The following MCUR1 variants were observed in gnomAD, a reference collection of about 807,000 sequenced individuals.
MCUR1 encodes MCU regulator 1.
A neutral mutation model predicts 42.0 loss-of-function variants in MCUR1; 37 were observed. The observed-to-expected ratio is 0.88, with a 90% confidence interval of 0.68 to 1.16. MCUR1 has a LOEUF of 1.16. Ranked by LOEUF, MCUR1 falls within the 50% of genes most tolerant of loss-of-function variation. The pLI is 0.00. For synonymous variants in MCUR1, 229 were observed against 196.2 expected, an observed-to-expected ratio of 1.17 and a Z score of -1.40; for missense variants, 469 against 468.4, an observed-to-expected ratio of 1.00 and a Z score of -0.01.
chr6:13,802,439 G>T, intron 2 of MCUR1, 93 bp from the exon 3 acceptor site: 1 of 961,598 alleles, frequency 1.0e-6, no homozygotes, highest in Non-Finnish European at 1.6e-6. Flanking sequence ...AATCCAGGAG[G>T]AAGAGTACAG....
Position 13,814,507 on chromosome 6 carries a change from A to G in MCUR1, c.-78T>C, listed in dbSNP as rs1317655202. On this transcript the variant is annotated 5_prime_UTR_variant, in exon 1 of 9. Transcript: ENST00000379170. ...CCGGCCACGCGCGGTCCAGGCCCAG[A>G]GTCCGACAGCGGGAGCGAGCGTGGG... 36 of 1,330,336 alleles carry G rather than the reference A, an allele frequency of 2.7e-5. No homozygotes were observed. Among genetic ancestry groups the G allele is most frequent in the Non-Finnish European group, 3.3e-5 (34 of 1,041,692 alleles). The allele number at this position is 1,330,336 out of a possible 1,614,324, so 82.4% of individuals were successfully genotyped here. A position where few individuals can be genotyped will look rare whatever the true frequency, so the allele number is the denominator to read the frequency against.
rs1483731510 is a variant in MCUR1 at position 13,789,171 on chromosome 6, G to A, written c.*1638C>T. On this transcript the variant is annotated 3_prime_UTR_variant, in exon 9 of 9. Coordinates refer to ENST00000379170, the MANE Select transcript of MCUR1 (RefSeq NM_001031713.4). ...TAATCCCACTACTTTGGGAGACCAA[G>A]GCGGGTGAATCACGAGGTCAGGAGT... 1 of 152,272 alleles carries A rather than the reference G, an allele frequency of 6.6e-6. No homozygotes were observed. The highest frequency in any genetic ancestry group is 1.5e-5 in the Non-Finnish European group (1 of 68,078). 9.4% of individuals were successfully genotyped at this position (152,272 alleles called of 1,614,324 possible).
intron 1 of MCUR1, among the ~76,000 whole-genome samples, chr6:13,809,075 T>C (rs1033701494): frequency 6.6e-6 from 1 of 152,152 alleles, no homozygotes; most frequent in Non-Finnish European, 1.5e-5. Context: ...TTTGCCAAGA[T>C]TGTTTAGCTA....
rs971958696 is a variant in MCUR1 at position 13,804,790 on chromosome 6, C to CAAAAAAAAAAAAAAA, written c.535+2120_535+2134dup. Among the ~76,000 whole-genome samples, 46 of 50,448 alleles carry CAAAAAAAAAAAAAAA rather than the reference C, an allele frequency of 9.1e-4. 1 individual carries two copies. Among genetic ancestry groups the CAAAAAAAAAAAAAAA allele is most frequent in the African/African-American group, 3.4e-3 (44 of 12,810 alleles). 33.1% of individuals were successfully genotyped at this position (50,448 alleles called of 152,430 possible). On this transcript the variant is annotated intron_variant, in intron 2 of 8. Transcript: ENST00000379170. ...GGAAGACAGAGCCAGACTCTGTCTC[C>CAAAAAAAAAAAAAAA]AAAAAAAAAAAAAAAAAAAAAAAAG...
At position 13,793,960 on chromosome 6, in the gene MCUR1, C is replaced by T. The variant is rs770242091; in HGVS notation, c.856-13G>A. The stretch of plus-strand genomic sequence containing the variant: ...CGTTCAATGAATACTGAAATAAACA[C>T]GTAACATGGGTCAGATTCTGATCTA... On this transcript the variant is annotated splice_polypyrimidine_tract_variant and intron_variant, in intron 6 of 8. Transcript: ENST00000379170. 4 of 1,612,824 alleles carry T rather than the reference C, an allele frequency of 2.5e-6. No individual in the cohort carries two copies. The highest frequency in any genetic ancestry group is 1.7e-6 in the Non-Finnish European group (2 of 1,179,442).
At chr6:13,802,415 C>T (rs893084145) in intron 2 of MCUR1, 69 bp from the exon 3 acceptor site, 8 of 1,210,414 alleles carry the variant, frequency 6.6e-6, no homozygotes, top group Non-Finnish European at 9.7e-6. Flanking sequence ...TGCACACATT[C>T]ATGTGAATGT....
chr6:13,802,420 G>T, intron 2 of MCUR1, 74 bp from the exon 3 acceptor site: 1 of 1,175,512 alleles, frequency 8.5e-7, no homozygotes, highest in Non-Finnish European at 1.3e-6. Context: ...ACATTCATGT[G>T]AATGTCCAAA....
rs1759693918 is a variant in MCUR1, at chr6:13,789,992, A to G, written c.*817T>C. ...TCAAAAGAAAAGAAGGTAGACGTGC[A>G]GCTGTCTTATTAACATGACAACCAA... On this transcript the variant is annotated 3_prime_UTR_variant, in exon 9 of 9. Coordinates refer to ENST00000379170, the MANE Select transcript of MCUR1 (RefSeq NM_001031713.4). 1 of 152,278 alleles carries G rather than the reference A, an allele frequency of 6.6e-6. No individual in the cohort carries two copies. Among genetic ancestry groups the G allele is most frequent in the Admixed American group, 6.5e-5 (1 of 15,290 alleles). 9.4% of individuals were successfully genotyped at this position (152,278 alleles called of 1,614,324 possible). A position where few individuals can be genotyped will look rare whatever the true frequency, so the allele number is the denominator to read the frequency against.
chr6:13,807,802 T>G (rs1189689353), intron 1 of MCUR1, among the ~76,000 whole-genome samples: 1 of 152,200 alleles, frequency 6.6e-6, no homozygotes, highest in Non-Finnish European at 1.5e-5. Context: ...TATCTGGGTT[T>G]TTAAAAAATT....
In MCUR1 at chr6:13,808,893, TTTTAAG is replaced by T. The variant is rs1760169906; in HGVS notation, c.416-1855_416-1850del. Among the ~76,000 whole-genome samples the T allele has an allele frequency of 2.6e-5, 4 of 152,180 alleles. No homozygotes were observed. In the South Asian group the frequency reaches 8.3e-4, roughly 31 times the overall value. On this transcript the variant is annotated intron_variant, in intron 1 of 8. Coordinates refer to ENST00000379170, the MANE Select transcript of MCUR1 (RefSeq NM_001031713.4). ...GCCAGTGCCACACTTTCTTGATTACTTTTAAGTTTGTTTTAAGTTTGACATCAGAAA... is the reference window on the plus strand; with the variant it reads ...GCCAGTGCCACACTTTCTTGATTACTTTTGTTTTAAGTTTGACATCAGAAA...
At chr6:13,797,584 T>C (rs1005198457) in intron 6 of MCUR1, among the ~76,000 whole-genome samples, 3 of 152,068 alleles carry the variant, frequency 2.0e-5, no homozygotes, top group African/African-American at 7.2e-5. Flanking sequence ...GGCAGGGGCC[T>C]GTAGTCCCAG....
chr6:13,814,364 G>T lies in MCUR1; in HGVS notation c.66C>A (p.Phe22Leu). 6.5e-7 allele frequency: 1 copy of T among 1,526,846 alleles called. No individual in the cohort carries two copies. The highest frequency in any genetic ancestry group is 1.4e-5 in the African/African-American group (1 of 70,516). 94.6% of individuals were successfully genotyped at this position (1,526,846 alleles called of 1,614,324 possible). A position where few individuals can be genotyped will look rare whatever the true frequency, so the allele number is the denominator to read the frequency against. ...QRLPGRQRLL[F>L]LPVGLSGRPG... The stretch of plus-strand genomic sequence containing the variant: ...GTCTTCCGCTGAGGCCCACGGGCAA[G>T]AAGAGAAGCCGCTGGCGGCCGGGCA... Residue 22 changes from phenylalanine to leucine, a missense_variant, in exon 1 of 9, where the codon TTC becomes TTA. Coordinates refer to ENST00000379170, the MANE Select transcript of MCUR1 (RefSeq NM_001031713.4).
In MCUR1 at chr6:13,790,206, CA is replaced by C. The variant is rs1759697276; in HGVS notation, c.*602del. 6.6e-6 allele frequency: 1 copy of C among 152,214 alleles called. No homozygotes were observed. The highest frequency in any genetic ancestry group is 2.4e-5 in the African/African-American group (1 of 41,442). 9.4% of individuals were successfully genotyped at this position (152,214 alleles called of 1,614,324 possible). A position where few individuals can be genotyped will look rare whatever the true frequency, so the allele number is the denominator to read the frequency against. On this transcript the variant is annotated 3_prime_UTR_variant, in exon 9 of 9. Coordinates refer to ENST00000379170, the MANE Select transcript of MCUR1 (RefSeq NM_001031713.4). ...AAGATTAAGTTGTAGAGAATTACAT[CA>C]ATGTTTGCTGTTGGTGTGCACCACA... is the stretch of plus-strand genomic sequence containing the variant.
chr6:13,800,409 T>C (rs779313142), intron 4 of MCUR1, 27 bp from the exon 5 acceptor site: 8 of 1,291,574 alleles, frequency 6.2e-6, no homozygotes, highest in Non-Finnish European at 8.8e-6. Context: ...AAAAAGTCAT[T>C]AGAAAGAACA....
chr6:13,813,913 C>T, intron 1 of MCUR1, 102 bp downstream of exon 1: 2 of 1,180,186 alleles, frequency 1.7e-6, no homozygotes, highest in Non-Finnish European at 2.1e-6. Flanking sequence ...ACCCGCCCTC[C>T]GGCCTGCCGG....
Position 13,787,434 on chromosome 6 carries a change from TACAG to T in MCUR1, c.*3371_*3374del, listed in dbSNP as rs1759627532. 6.6e-6 allele frequency: 1 copy of T among 152,052 alleles called. No individual in the cohort carries two copies. Among genetic ancestry groups the T allele is most frequent in the African/African-American group, 2.4e-5 (1 of 41,388 alleles). 9.4% of individuals were successfully genotyped at this position (152,052 alleles called of 1,614,324 possible). A position where few individuals can be genotyped will look rare whatever the true frequency, so the allele number is the denominator to read the frequency against. On this transcript the variant is annotated 3_prime_UTR_variant, in exon 9 of 9. Transcript: ENST00000379170. ...GAAAACTGGATGACAGTAAAACCAA[TACAG>T]AAACAAAAAGTCATGTTTCCAGTAA...
At position 13,790,811 on chromosome 6, in the gene MCUR1, A is replaced by G; in HGVS notation, c.1078T>C (p.Ter360GlnextTer1). 2 of 1,610,610 alleles carry G rather than the reference A, an allele frequency of 1.2e-6. No individual in the cohort carries two copies. The highest frequency in any genetic ancestry group is 2.2e-5 in the South Asian group (2 of 90,874). Reference protein sequence around the residue: ...VALGFYRLWI* With the variant: ...VALGFYRLWIQ ...AATCACTTTAAATAGACACTTTATT[A>G]GATCCACAGGCGATAAAATCCCAGA... The change falls in exon 9 of 9, where the codon TAA becomes CAA. Residue 360 changes from the stop codon to glutamine (Q), a stop_lost. Coordinates refer to ENST00000379170, the MANE Select transcript of MCUR1 (RefSeq NM_001031713.4).
chr6:13,798,703 T>A, intron 6 of MCUR1, 130 bp downstream of exon 6: 1 of 516,988 alleles, frequency 1.9e-6, no homozygotes. Context: ...ATAGAGAAAA[T>A]ACAGCCTAAC....
rs949511293 is a variant in MCUR1, at chr6:13,802,285, G to A, written c.597C>T (p.Asn199=). 6.2e-7 allele frequency: 1 copy of A among 1,613,962 alleles called. No individual in the cohort carries two copies. Among genetic ancestry groups the A allele is most frequent in the Non-Finnish European group, 8.5e-7 (1 of 1,179,900 alleles). ...CCATATCTTTGTAGACGATGTCCAT[G>A]TTGGCCTCCAGGATCTTGACCAATG... ...VSALVKILEA[N]MDIVYKDMVT... The change falls in exon 3 of 9, where the codon AAC becomes AAT. Residue 199 remains asparagine (N), a synonymous_variant. Coordinates refer to ENST00000379170, the MANE Select transcript of MCUR1 (RefSeq NM_001031713.4).
Sources: gnomAD v4.1 joint callset for allele counts (sites outside exome capture counted in the v4.1 genomes callset) on GRCh38, gnomAD v4.1.1 for gene constraint, MANE v1.5 for transcripts, NCBI Gene and HGNC (gene_info 2026-07-23, HGNC 2026-07-21) for gene names.